The following NAV3 variants were observed in gnomAD, a reference collection of about 807,000 sequenced individuals.
The protein encoded by NAV3 is neuron navigator 3, also known as pore membrane and/or filament interacting like protein 1.
Under a neutral mutation model 244.7 loss-of-function variants are expected in NAV3, and 87 were observed. That is an observed-to-expected ratio of 0.36 (90% CI 0.30 to 0.42). NAV3 has a LOEUF of 0.42. Ranked by LOEUF, NAV3 falls within the 20% of genes least tolerant of loss-of-function variation. The probability of loss-of-function intolerance (pLI) is 1.00; values close to 1 mark genes in which losing one functional copy is unlikely to be tolerated. For missense variants in NAV3, 2,663 were observed against 2,893.3 expected, an observed-to-expected ratio of 0.92 and a Z score of 1.83; for synonymous variants, 1,126 against 1,042.2, an observed-to-expected ratio of 1.08 and a Z score of -1.55.
At chr12:77,582,734 G>A (rs1869423514) in intron 2 of NAV3, among the ~76,000 whole-genome samples, 1 of 152,136 alleles carries the variant, frequency 6.6e-6, no homozygotes, top group South Asian at 2.1e-4. Context: ...ATGTATGTGA[G>A]CCACCTTGCT....
chr12:78,207,525 A>G (rs996853472), intron 39 of NAV3, among the ~76,000 whole-genome samples: 1 of 152,204 alleles, frequency 6.6e-6, no homozygotes, highest in African/African-American at 2.4e-5. Context: ...TTGTGAGTTC[A>G]TTGAGGAAGC....
intron 18 of NAV3, among the ~76,000 whole-genome samples, chr12:78,136,801 G>T (rs1474866902): frequency 6.6e-6 from 1 of 151,990 alleles, no homozygotes; most frequent in Admixed American, 6.6e-5. Context: ...TTTTGATTTT[G>T]CTTTTTCCAT....
intron 2 of NAV3, among the ~76,000 whole-genome samples, chr12:77,591,694 T>C (rs913128907): frequency 6.6e-6 from 1 of 152,240 alleles, no homozygotes; most frequent in African/African-American, 2.4e-5. Flanking sequence ...AAAATGTGTG[T>C]ATCCAAGAGG....
intron 2 of NAV3, among the ~76,000 whole-genome samples, chr12:77,704,317 G>A (rs1485537148): frequency 6.6e-6 from 1 of 152,116 alleles, no homozygotes; most frequent in Non-Finnish European, 1.5e-5. Context: ...ATTGGCAAGT[G>A]ATTTACATAG....
chr12:78,054,886 A>T (rs551524948), intron 11 of NAV3, among the ~76,000 whole-genome samples: 2 of 152,236 alleles, frequency 1.3e-5, no homozygotes, highest in East Asian at 3.9e-4. Flanking sequence ...GTAGAGCTGG[A>T]GACGGTGAGA....
intron 2 of NAV3, among the ~76,000 whole-genome samples, chr12:77,703,290 G>A (rs946824353): frequency 2.6e-5 from 4 of 151,914 alleles, no homozygotes; most frequent in African/African-American, 7.2e-5. Context: ...GTACATGATC[G>A]TGTGTCTGTC....
At chr12:78,015,395 C>G (rs1218327427) in intron 8 of NAV3, among the ~76,000 whole-genome samples, 1 of 152,042 alleles carries the variant, frequency 6.6e-6, no homozygotes, top group Non-Finnish European at 1.5e-5. Context: ...CTTTCCCTGA[C>G]TTTCATGATA....
intron 2 of NAV3, among the ~76,000 whole-genome samples, chr12:77,685,490 C>CACACACACAA (rs1555194567): frequency 8.9e-4 from 135 of 151,030 alleles, no homozygotes; most frequent in African/African-American, 3.2e-3. Context: ...CACACACACA[C>CACACACACAA]ACACACACAC....
intron 2 of NAV3, among the ~76,000 whole-genome samples, chr12:77,815,918 A>G (rs774989573): frequency 2.0e-5 from 3 of 152,160 alleles, no homozygotes; most frequent in African/African-American, 4.8e-5. Context: ...GGAACCTCAT[A>G]TGAGTATGCA....
chr12:77,929,802 T>C (rs1429624704), intron 1 of NAV3, among the ~76,000 whole-genome samples: 2 of 68,122 alleles, frequency 2.9e-5, no homozygotes, highest in Non-Finnish European at 5.6e-5. Flanking sequence ...CCAGCTATTT[T>C]TTTTTTTTTT....
intron 2 of NAV3, among the ~76,000 whole-genome samples, chr12:77,823,644 GC>G (rs1313592644): frequency 6.6e-6 from 1 of 152,102 alleles, no homozygotes; most frequent in African/African-American, 2.4e-5. Context: ...TTAACTATGT[GC>G]CATTACAAAA....
At chr12:77,889,339 C>G (rs921332708) in intron 1 of NAV3, among the ~76,000 whole-genome samples, 1 of 152,146 alleles carries the variant, frequency 6.6e-6, no homozygotes, top group Non-Finnish European at 1.5e-5. Flanking sequence ...ATCAGCTCTC[C>G]TGCTTCTCAT....
intron 2 of NAV3, among the ~76,000 whole-genome samples, chr12:77,758,288 ATT>A (rs1380687170): frequency 1.3e-5 from 2 of 152,008 alleles, no homozygotes; most frequent in African/African-American, 4.8e-5. Flanking sequence ...TGATTTATGC[ATT>A]GTCTTCCCTC....
chr12:77,810,717 G>A (rs1047190294), intron 2 of NAV3, among the ~76,000 whole-genome samples: 1 of 152,106 alleles, frequency 6.6e-6, no homozygotes, highest in African/African-American at 2.4e-5. Flanking sequence ...ACTAGCAAAT[G>A]TATTCCTTAT....
At chr12:78,017,529 A>C (rs536672053) in intron 8 of NAV3, among the ~76,000 whole-genome samples, 1 of 152,318 alleles carries the variant, frequency 6.6e-6, no homozygotes, top group African/African-American at 2.4e-5. Context: ...ACCATGTTGT[A>C]AATGCACAGT....
In NAV3 at chr12:77,723,755, CTTTTTTTTTT is replaced by C. The variant is rs34518266; in HGVS notation, c.72+151503_72+151512del. ...AGGAGTTTCTTCTTGGCAATCTTGACTTTTTTTTTTTTTTTTTTTTTTTACATATATCTCT... is the reference window on the plus strand; with the variant it reads ...AGGAGTTTCTTCTTGGCAATCTTGACTTTTTTTTTTTTTACATATATCTCT... On this transcript the variant is annotated intron_variant, in intron 2 of 8. Coordinates refer to the NAV3 transcript ENST00000550042. Among the ~76,000 whole-genome samples, 6 of 67,654 alleles carry C rather than the reference CTTTTTTTTTT, an allele frequency of 8.9e-5. 1 individual carries two copies. Among genetic ancestry groups the C allele is most frequent in the African/African-American group, 2.4e-4 (4 of 16,828 alleles). 44.4% of individuals were successfully genotyped at this position (67,654 alleles called of 152,430 possible).
At chr12:77,871,513 C>T (rs1278669377) in intron 1 of NAV3, among the ~76,000 whole-genome samples, 1 of 152,146 alleles carries the variant, frequency 6.6e-6, no homozygotes. Flanking sequence ...GTTCAACTCT[C>T]ACTTATGAGT....
In NAV3 at chr12:78,119,319, A is replaced by C; in HGVS notation, c.3123A>C (p.Ala1041=). The C allele has an allele frequency of 6.2e-7, 1 of 1,614,240 alleles. No homozygotes were observed. The highest frequency in any genetic ancestry group is 1.1e-5 in the South Asian group (1 of 91,092). Residue 1041 remains alanine, a synonymous_variant, in exon 15 of 40, where the codon GCA becomes GCC. Transcript: ENST00000397909. The part of the protein sequence containing the change: ...GSSLQRSPSD[A]GKSSGDEGKK... ...CTCTACAAAGATCTCCTTCAGATGC[A>C]GGAAAAAGCAGTGGAGATGAAGGGA...
chr12:77,804,304 C>A (rs1413666061), intron 2 of NAV3, among the ~76,000 whole-genome samples: 4 of 152,052 alleles, frequency 2.6e-5, no homozygotes, highest in Middle Eastern at 3.2e-3. Context: ...AGTCTTTAAT[C>A]CATCTTGAGT....
Sources: gnomAD v4.1 joint callset for allele counts (sites outside exome capture counted in the v4.1 genomes callset) on GRCh38, gnomAD v4.1.1 for gene constraint, MANE v1.5 for transcripts, NCBI Gene and HGNC (gene_info 2026-07-23, HGNC 2026-07-21) for gene names.